The following ACTMAP variants were observed in gnomAD, a reference collection of about 807,000 sequenced individuals.
ACTMAP encodes the protein actin maturation protease, also known as UPF0692 protein C19orf54.
chr19:40,744,563 G>C, the ACTMAP span: 1 of 1,613,526 alleles, frequency 6.2e-7, no homozygotes, highest in Non-Finnish European at 8.5e-7. Context: ...GCTCACCTGA[G>C]AACATCTCTC....
chr19:40,742,878 A>G, the ACTMAP span: 1 of 1,112,658 alleles, frequency 9.0e-7, no homozygotes, highest in Admixed American at 2.4e-5. Context: ...TGCAGCTGCC[A>G]TTCCTAGGTT....
At chr19:40,742,611 T>C in the ACTMAP span, 2 of 1,612,274 alleles carry the variant, frequency 1.2e-6, no homozygotes, top group Non-Finnish European at 1.7e-6. Context: ...GTGCCAACTC[T>C]TGCCCTGCTT....
At chr19:40,744,639 G>A in the ACTMAP span, 4 of 1,613,644 alleles carry the variant, frequency 2.5e-6, no homozygotes, top group Non-Finnish European at 3.4e-6. Context: ...GCCACTGGGG[G>A]GCGACAGGAG....
At chr19:40,748,984 C>CTTT in the ACTMAP span, among the ~76,000 whole-genome samples, 142 of 102,544 alleles carry the variant, frequency 1.4e-3, no homozygotes, top group Non-Finnish European at 1.9e-3. Flanking sequence ...GGCATTTGCT[C>CTTT]TTTTTTTTTT....
the ACTMAP span, among the ~76,000 whole-genome samples, chr19:40,748,233 G>T: frequency 7.9e-5 from 12 of 152,210 alleles, no homozygotes; most frequent in South Asian, 2.5e-3. Context: ...GGAGGCTGAG[G>T]CAGGTGGATC....
At chr19:40,747,630 A>T in the ACTMAP span, among the ~76,000 whole-genome samples, 1 of 152,086 alleles carries the variant, frequency 6.6e-6, no homozygotes, top group Non-Finnish European at 1.5e-5. Context: ...CGAGACAAGA[A>T]GATCGCTTGG....
At chr19:40,749,331 A>T in the ACTMAP span, 1 of 790,062 alleles carries the variant, frequency 1.3e-6, no homozygotes, top group Non-Finnish European at 2.0e-6. Context: ...TCATTGCTGG[A>T]GGCACACCAC....
chr19:40,746,744 A>G, the ACTMAP span, among the ~76,000 whole-genome samples: 1 of 151,894 alleles, frequency 6.6e-6, no homozygotes, highest in South Asian at 2.1e-4. Flanking sequence ...TGCTGACCTC[A>G]GGTGATCCAC....
chr19:40,744,914 A>G, the ACTMAP span: 1 of 790,326 alleles, frequency 1.3e-6, no homozygotes, highest in South Asian at 1.8e-5. Flanking sequence ...GTGGAGTTAG[A>G]GAGATGGACC....
chr19:40,746,543 T>A, the ACTMAP span, among the ~76,000 whole-genome samples: 1 of 152,018 alleles, frequency 6.6e-6, no homozygotes, highest in African/African-American at 2.4e-5. Flanking sequence ...ACCTGGCTAA[T>A]TTTTTGTATT....
chr19:40,749,434 G>A, the ACTMAP span: 1 of 1,267,918 alleles, frequency 7.9e-7, no homozygotes, highest in South Asian at 1.3e-5. Context: ...GATCTGTGAA[G>A]TGTCTAGGGC....
At chr19:40,744,659 C>T in the ACTMAP span, 6 of 1,612,478 alleles carry the variant, frequency 3.7e-6, no homozygotes, top group Non-Finnish European at 5.1e-6. Flanking sequence ...GAGTACCTGC[C>T]ATCCACAAGG....
the ACTMAP span, among the ~76,000 whole-genome samples, chr19:40,747,861 G>C: frequency 9.7e-4 from 147 of 151,798 alleles, no homozygotes; most frequent in African/African-American, 3.4e-3. Flanking sequence ...GCAAGACCCT[G>C]TCCCAAAAAC....
the ACTMAP span, chr19:40,743,886 C>G: frequency 6.2e-7 from 1 of 1,613,448 alleles, no homozygotes; most frequent in Non-Finnish European, 8.5e-7. Flanking sequence ...GGGGTGCAGA[C>G]AAAGGAGGGG....
chr19:40,742,800 A>G, the ACTMAP span: 12 of 1,574,458 alleles, frequency 7.6e-6, no homozygotes, highest in South Asian at 1.3e-4. Context: ...GGTGAGTGGC[A>G]GTGACTGAGC....
the ACTMAP span, chr19:40,750,256 A>G: frequency 1.3e-5 from 2 of 153,358 alleles, no homozygotes; most frequent in African/African-American, 2.4e-5. Context: ...CTCACATCCC[A>G]GGCCCGAGTT....
chr19:40,749,995 T>C, the ACTMAP span: 1 of 480,162 alleles, frequency 2.1e-6, no homozygotes, highest in Admixed American at 4.3e-5. Flanking sequence ...CGAGGCTGAC[T>C]CAAGTCATAA....
At chr19:40,748,888 C>G in the ACTMAP span, among the ~76,000 whole-genome samples, 1 of 152,164 alleles carries the variant, frequency 6.6e-6, no homozygotes, top group Non-Finnish European at 1.5e-5. Context: ...GTCAGACACC[C>G]CTCTGGGCTT....
the ACTMAP span, among the ~76,000 whole-genome samples, chr19:40,746,174 C>A: frequency 3.3e-5 from 5 of 152,098 alleles, no homozygotes; most frequent in African/African-American, 1.2e-4. Context: ...CTGGGGGAGG[C>A]CACTCAGATA....
Sources: gnomAD v4.1 joint callset for allele counts (sites outside exome capture counted in the v4.1 genomes callset) on GRCh38, gnomAD v4.1.1 for gene constraint, MANE v1.5 for transcripts, NCBI Gene and HGNC (gene_info 2026-07-23, HGNC 2026-07-21) for gene names.